Variants in CSMD3 observed in about 807,000 individuals in gnomAD.
CSMD3 encodes the protein CUB and Sushi multiple domains 3, also known as CUB and sushi domain-containing protein 3.
CSMD3 carries 177 observed loss-of-function variants against 435.2 expected under a neutral mutation model. The ratio of observed to expected loss-of-function variants is 0.41; its 90% confidence interval spans 0.36 to 0.46. CSMD3 has a LOEUF of 0.46. Among genes scored for constraint, CSMD3 ranks in the 20% least tolerant of loss-of-function variants. CSMD3 has a pLI of 0.34. For synonymous variants in CSMD3, 1,656 were observed against 1,520.5 expected (o/e 1.09, Z -2.07); for missense variants, 4,265 against 4,504.6 (o/e 0.95, Z 1.52).
At chr8:112,985,355 T>A (rs1272653107) in intron 6 of CSMD3, among the ~76,000 whole-genome samples, 1 of 151,656 alleles carries the variant, frequency 6.6e-6, no homozygotes, top group African/African-American at 2.4e-5. Context: ...ATGGCAGGAA[T>A]GAAAAAACGA....
rs553597157 is a variant in CSMD3, at chr8:112,407,454, G to A, written c.5606-727C>T. On this transcript the variant is annotated intron_variant, in intron 34 of 70. Transcript: ENST00000297405. Reference sequence around the variant, plus strand: ...CATAACAAATGTGATTAAAGAGATTGACAATAGCCCAAAAAATGATATGAT... The same window carrying A: ...CATAACAAATGTGATTAAAGAGATTAACAATAGCCCAAAAAATGATATGAT... Among the ~76,000 whole-genome samples, 63 of 151,968 alleles carry A rather than the reference G, an allele frequency of 4.1e-4. 1 individual carries two copies. The highest frequency in any genetic ancestry group is 1.4e-3 in the African/African-American group (60 of 41,536).
In CSMD3 at chr8:113,115,324, T is replaced by C. The variant is rs182464080; in HGVS notation, c.710-16361A>G. 5.9e-3 allele frequency among the ~76,000 whole-genome samples: 902 copies of C among 152,270 alleles called. 4 individuals carry two copies. Among genetic ancestry groups the C allele is most frequent in the African/African-American group, 0.019 (801 of 41,560 alleles). On this transcript the variant is annotated intron_variant, in intron 4 of 70. Transcript: ENST00000297405. Reference sequence around the variant, plus strand: ...ATAATGTTTTAAATTAAATACAATATAGGTGCTGAAAACTTCTAAGTGAAT... The same window carrying C: ...ATAATGTTTTAAATTAAATACAATACAGGTGCTGAAAACTTCTAAGTGAAT...
At chr8:113,294,812 G>A (rs2093708304) in intron 2 of CSMD3, among the ~76,000 whole-genome samples, 1 of 152,022 alleles carries the variant, frequency 6.6e-6, no homozygotes. Flanking sequence ...CCTAATTACA[G>A]ACTTGCGGAA....
At chr8:112,604,759 A>T (rs1283518710) in intron 22 of CSMD3, among the ~76,000 whole-genome samples, 1 of 152,294 alleles carries the variant, frequency 6.6e-6, no homozygotes, top group Non-Finnish European at 1.5e-5. Context: ...CAAAAGCAAT[A>T]GCAAGAAATA....
At chr8:112,474,879 T>C (rs1420994924) in intron 31 of CSMD3, among the ~76,000 whole-genome samples, 1 of 152,186 alleles carries the variant, frequency 6.6e-6, no homozygotes, top group Admixed American at 6.6e-5. Flanking sequence ...TTAAACACAC[T>C]AAAATTAGAA....
intron 11 of CSMD3, among the ~76,000 whole-genome samples, chr8:112,846,608 C>A (rs2080328370): frequency 6.6e-6 from 1 of 151,792 alleles, no homozygotes; most frequent in South Asian, 2.1e-4. Flanking sequence ...AAGGGTCTTG[C>A]TATGTTGCTC....
At chr8:112,844,696 T>C (rs1244308765) in intron 11 of CSMD3, among the ~76,000 whole-genome samples, 1 of 151,864 alleles carries the variant, frequency 6.6e-6, no homozygotes, top group African/African-American at 2.4e-5. Context: ...ACACCATTAG[T>C]CTTGGACCAG....
chr8:112,915,741 T>C (rs2082554047), intron 10 of CSMD3, among the ~76,000 whole-genome samples: 1 of 151,842 alleles, frequency 6.6e-6, no homozygotes, highest in South Asian at 2.1e-4. Flanking sequence ...ATTCTGGCAC[T>C]GAACAAATTT....
intron 38 of CSMD3, among the ~76,000 whole-genome samples, chr8:112,372,227 T>C (rs1407526201): frequency 2.0e-5 from 3 of 152,182 alleles, no homozygotes; most frequent in East Asian, 1.9e-4. Context: ...AGGAAAGGCA[T>C]GTTACATTTT....
At chr8:112,934,317 A>T (rs951023009) in intron 9 of CSMD3, among the ~76,000 whole-genome samples, 8 of 152,154 alleles carry the variant, frequency 5.3e-5, no homozygotes, top group African/African-American at 1.9e-4. Context: ...TTTGCCCTCT[A>T]TTCCTTACTG....
Position 112,301,896 on chromosome 8 carries a change from T to C in CSMD3, c.8337A>G (p.Ser2779=), listed in dbSNP as rs764940606. ...CCAAGTCGCAGGTAAAGATAGCTGT[T>C]GAGCCATATGAAGTTTGAGTTCCAA... is the stretch of plus-strand genomic sequence containing the variant. The part of the protein sequence containing the change: ...NKIGTQTSYG[S]TAIFTCDLGF... Residue 2779 remains serine (S), a synonymous_variant, in exon 53 of 71, where the codon TCA becomes TCG. Transcript: ENST00000297405. 1 of 1,613,152 alleles carries C rather than the reference T, an allele frequency of 6.2e-7. No homozygotes were observed. The highest frequency in any genetic ancestry group is 1.7e-5 in the Admixed American group (1 of 59,976).
rs76605525 is a variant in CSMD3, at chr8:112,384,202, T to G, written c.5935-539A>C. The stretch of plus-strand genomic sequence containing the variant: ...TTCTCTTCCTTTTATTTAAAAATTT[T>G]TAACACGCATATTTTTAATAAGTTT... On this transcript the variant is annotated intron_variant, in intron 36 of 70. Transcript: ENST00000297405. 7.1e-3 allele frequency among the ~76,000 whole-genome samples: 1,075 copies of G among 152,322 alleles called. 14 individuals carry two copies. Among genetic ancestry groups the G allele is most frequent in the African/African-American group, 0.024 (1,001 of 41,572 alleles).
chr8:112,464,077 A>G (rs993245572), intron 32 of CSMD3, among the ~76,000 whole-genome samples: 3 of 152,064 alleles, frequency 2.0e-5, no homozygotes, highest in African/African-American at 7.2e-5. Context: ...TCTACTAAAA[A>G]TACAAAAAAA....
At chr8:112,746,042 G>C (rs1210967632) in intron 13 of CSMD3, among the ~76,000 whole-genome samples, 1 of 152,134 alleles carries the variant, frequency 6.6e-6, no homozygotes, top group Non-Finnish European at 1.5e-5. Context: ...CACCTTTTCA[G>C]TATGGGAAAC....
chr8:113,064,903 G>T (rs2088787546), intron 5 of CSMD3, among the ~76,000 whole-genome samples: 1 of 152,024 alleles, frequency 6.6e-6, no homozygotes, highest in Non-Finnish European at 1.5e-5. Context: ...AAAGATTGCT[G>T]AATATGACAA....
At chr8:113,101,147 C>G (rs2090318564) in intron 4 of CSMD3, among the ~76,000 whole-genome samples, 1 of 152,140 alleles carries the variant, frequency 6.6e-6, no homozygotes, top group African/African-American at 2.4e-5. Flanking sequence ...CTTTCATGGG[C>G]TCCACAGAGG....
intron 1 of CSMD3, among the ~76,000 whole-genome samples, chr8:113,333,430 G>T (rs2094043293): frequency 6.6e-6 from 1 of 151,676 alleles, no homozygotes; most frequent in Non-Finnish European, 1.5e-5. Flanking sequence ...TTTAAGTTGT[G>T]ATCTGTTTAT....
intron 1 of CSMD3, among the ~76,000 whole-genome samples, chr8:113,418,054 T>C (rs1340994164): frequency 6.6e-6 from 1 of 152,122 alleles, no homozygotes; most frequent in East Asian, 1.9e-4. Context: ...ATTTATTAAG[T>C]TTCTACCCCT....
intron 6 of CSMD3, among the ~76,000 whole-genome samples, chr8:112,979,593 C>T (rs996571478): frequency 1.1e-4 from 17 of 151,372 alleles, no homozygotes; most frequent in Non-Finnish European, 1.5e-5. Context: ...TAAATATACA[C>T]ATAGCTATCC....
Sources: gnomAD v4.1 joint callset for allele counts (sites outside exome capture counted in the v4.1 genomes callset) on GRCh38, gnomAD v4.1.1 for gene constraint, MANE v1.5 for transcripts, NCBI Gene and HGNC (gene_info 2026-07-23, HGNC 2026-07-21) for gene names.